CDK5RAP3: variants seen among roughly 807,000 people sequenced by gnomAD.
CDK5RAP3 encodes CDK5 regulatory subunit associated protein 3.
Under a neutral mutation model 73.3 loss-of-function variants are expected in CDK5RAP3, and 58 were observed. The observed-to-expected ratio is 0.79, with a 90% CI of 0.64 to 0.98. The LOEUF is 0.98. CDK5RAP3 is among the 50% of genes least tolerant of loss of function. The pLI is 0.00. For synonymous variants in CDK5RAP3, 224 were observed against 247.5 expected, an observed-to-expected ratio of 0.91 and a Z score of 0.89; for missense variants, 525 against 615.8, an observed-to-expected ratio of 0.85 and a Z score of 1.56.
In CDK5RAP3 at chr17:47,981,633, C is replaced by G. The variant is rs759948966; in HGVS notation, c.*131C>G. ...AAGATGGAAAGCCACAGGAAGGAAG[C>G]GGCACCTGATGGTGATCTTGGCACT... is the stretch of plus-strand genomic sequence containing the variant. On this transcript the variant is annotated 3_prime_UTR_variant, in exon 14 of 14. Coordinates refer to ENST00000338399, the MANE Select transcript of CDK5RAP3 (RefSeq NM_176096.3). The G allele has an allele frequency of 6.4e-7, 1 of 1,569,416 alleles. No individual in the cohort carries two copies. The highest frequency in any genetic ancestry group is 2.3e-5 in the East Asian group (1 of 43,260).
At position 47,975,465 on chromosome 17, in the gene CDK5RAP3, T is replaced by G; in HGVS notation, c.514-49T>G. ...CAGTGTCTTACTTTTCTTCGGTCTT[T>G]GGATGTTTTCTTCAATCTGTTGGAC... On this transcript the variant is annotated intron_variant, in intron 6 of 13. Coordinates refer to ENST00000338399, the MANE Select transcript of CDK5RAP3 (RefSeq NM_176096.3). The G allele has an allele frequency of 3.7e-6, 6 of 1,609,646 alleles. No homozygotes were observed. The African/African-American group carries it at 5.3e-5, about 14-fold the overall frequency.
intron 12 of CDK5RAP3, 46 bp from the exon 13 acceptor site, chr17:47,981,117 T>C: frequency 1.9e-6 from 3 of 1,576,360 alleles, no homozygotes; most frequent in Non-Finnish European, 2.6e-6. Context: ...ATGGGAATGC[T>C]CAGGATGCAC....
intron 1 of CDK5RAP3, 88 bp from the exon 2 acceptor site, chr17:47,971,274 G>T (rs759998802): frequency 1.3e-6 from 2 of 1,544,706 alleles, no homozygotes; most frequent in Non-Finnish European, 1.8e-6. Context: ...GGCCCTGCAG[G>T]GTGGTGGTTG....
chr17:47,969,556 CAAAAAAAAAAAAAA>C (rs36208323), upstream of CDK5RAP3, among the ~76,000 whole-genome samples: 11,619 of 80,326 alleles, frequency 0.14, 816 homozygotes, highest in East Asian at 0.32. Context: ...GACTCCGTCT[CAAAAAAAAAAAAAA>C]AAAAAAAAAA....
upstream of CDK5RAP3, chr17:47,970,709 CAAG>C: frequency 6.5e-7 from 1 of 1,535,596 alleles, no homozygotes; most frequent in Non-Finnish European, 8.7e-7. Flanking sequence ...TAAAGCGACG[CAAG>C]GAGGGAAGAA....
upstream of CDK5RAP3, chr17:47,970,596 C>G: frequency 7.0e-7 from 1 of 1,420,150 alleles, no homozygotes; most frequent in Non-Finnish European, 9.6e-7. Flanking sequence ...CTGCCCTAAT[C>G]GCCCAACACG....
chr17:47,978,742 T>G (rs899983823), intron 10 of CDK5RAP3, 87 bp from the exon 11 acceptor site: 16 of 1,015,024 alleles, frequency 1.6e-5, no homozygotes, highest in Non-Finnish European at 2.5e-5. Flanking sequence ...TCTGTCCGTA[T>G]TAATCCTCCA....
upstream of CDK5RAP3, among the ~76,000 whole-genome samples, chr17:47,970,263 C>A (rs1320188995): frequency 6.6e-6 from 1 of 152,194 alleles, no homozygotes; most frequent in East Asian, 1.9e-4. Context: ...TCTCCTCTAG[C>A]CACTCGCTGC....
At chr17:47,978,246 T>G (rs1403300073) in intron 10 of CDK5RAP3, among the ~76,000 whole-genome samples, 1 of 151,958 alleles carries the variant, frequency 6.6e-6, no homozygotes, top group Non-Finnish European at 1.5e-5. Context: ...ATTTTATATT[T>G]TTTTAGTAGA....
At chr17:47,971,811 C>G (rs1438550563) in intron 2 of CDK5RAP3, among the ~76,000 whole-genome samples, 2 of 151,782 alleles carry the variant, frequency 1.3e-5, no homozygotes, top group African/African-American at 4.8e-5. Flanking sequence ...CTCCATGTCT[C>G]CATGACTAAA....
Position 47,977,892 on chromosome 17 carries a change from C to G in CDK5RAP3, c.970C>G (p.Leu324Val), listed in dbSNP as rs35054799. The G allele has an allele frequency of 2.1e-5, 34 of 1,614,074 alleles. No homozygotes were observed. In the African/African-American group the frequency reaches 4.4e-4, roughly 21 times the overall value. The change falls in exon 10 of 14, where the codon CTG becomes GTG. Residue 324 changes from leucine (L) to valine (V), a missense_variant. Leu to Val is a conservative substitution (Grantham distance 32, BLOSUM62 1). Around this residue, in one of 2 missense-constraint regions of CDK5RAP3, gnomAD observed 409 missense variants for 429.8 expected, o/e 0.95. Transcript: ENST00000338399. ...DDAVALQITVLEAGTQAPEGV... is the reference protein window; with the variant it reads ...DDAVALQITVVEAGTQAPEGV... ...TGCTGTTGCTTTGCAGATCACAGTG[C>G]TGGAAGCAGGAACCCAGGGTAAGTG...
chr17:47,978,559 A>C, intron 10 of CDK5RAP3: 1 of 447,524 alleles, frequency 2.2e-6, no homozygotes, highest in East Asian at 3.9e-5. Context: ...ATGAAACTTT[A>C]CCTCCTGCGG....
At chr17:47,974,840 C>A (rs1250609554) in intron 5 of CDK5RAP3, 2 of 1,260,136 alleles carry the variant, frequency 1.6e-6, no homozygotes, top group African/African-American at 3.1e-5. Context: ...ACAGGACTAA[C>A]TGTGTTTGGG....
rs758098187 is a variant in CDK5RAP3 at position 47,981,244 on chromosome 17, G to A, written c.1365G>A (p.Val455=). The change falls in exon 13 of 14, where the codon GTG becomes GTA. Residue 455 remains valine (V), a synonymous_variant. Coordinates refer to ENST00000338399, the MANE Select transcript of CDK5RAP3 (RefSeq NM_176096.3). ...TGGCTTTGAAGAAAGAGCTGATGGT[G>A]CAGAAGCAGCAGGAGGCACTTGAGG... ...QLLALKKELM[V]QKQQEALEEQ... The A allele has an allele frequency of 9.9e-6, 16 of 1,614,262 alleles. No homozygotes were observed. In the Admixed American group the frequency reaches 2.0e-4, roughly 20 times the overall value.
chr17:47,970,503 C>T (rs561938713), upstream of CDK5RAP3: 1 of 676,106 alleles, frequency 1.5e-6, no homozygotes, highest in African/African-American at 1.8e-5. Context: ...TCCCACATCA[C>T]CCAGCTATCT....
rs765325584 is a variant in CDK5RAP3, at chr17:47,976,698, C to T, written c.799-14C>T. 1.3e-6 allele frequency: 2 copies of T among 1,572,478 alleles called. No homozygotes were observed. Among genetic ancestry groups the T allele is most frequent in the South Asian group, 1.1e-5 (1 of 90,258 alleles). ...TCCATCTTCCATGAGCTAACACTCT[C>T]TTTCCCTTTCCAGATTGACTGGGGC... On this transcript the variant is annotated splice_polypyrimidine_tract_variant and intron_variant, in intron 8 of 13. Coordinates refer to ENST00000338399, the MANE Select transcript of CDK5RAP3 (RefSeq NM_176096.3).
chr17:47,979,591 G>A (rs1488004785), intron 11 of CDK5RAP3: 4 of 152,680 alleles, frequency 2.6e-5, no homozygotes, highest in African/African-American at 9.7e-5. Flanking sequence ...TGGAGGTTTC[G>A]AGCAGGTTAG....
intron 2 of CDK5RAP3, 141 bp from the exon 3 acceptor site, chr17:47,973,378 A>G (rs2036313073): frequency 6.7e-6 from 6 of 901,734 alleles, no homozygotes; most frequent in African/African-American, 1.7e-5. Context: ...GCTTGTCTTT[A>G]TTCCCATCTT....
chr17:47,980,301 C>T lies in CDK5RAP3; in HGVS notation c.1078-292C>T, dbSNP rs529909582. The T allele has an allele frequency of 3.1e-5, 9 of 288,128 alleles. No homozygotes were observed. In the South Asian group the frequency reaches 5.6e-4, roughly 18 times the overall value. The allele number at this position is 288,128 out of a possible 1,614,324, so 17.8% of individuals were successfully genotyped here. A position where few individuals can be genotyped will look rare whatever the true frequency, so the allele number is the denominator to read the frequency against. ...CTTCCTTTTTTTTTAAAAAGAGTTT[C>T]TCTGTCGCCCAGTCTGGAGTGCAGT... is the stretch of plus-strand genomic sequence containing the variant. On this transcript the variant is annotated intron_variant, in intron 11 of 13. Coordinates refer to ENST00000338399, the MANE Select transcript of CDK5RAP3 (RefSeq NM_176096.3).
Sources: allele counts gnomAD v4.1 joint callset (sites outside exome capture counted in the v4.1 genomes callset), GRCh38; gene constraint gnomAD v4.1.1; regional missense constraint gnomAD v4.1.1; transcripts MANE v1.5; gene names NCBI Gene and HGNC (gene_info 2026-07-23, HGNC 2026-07-21).